The following PKIA variants were observed in gnomAD, a reference collection of about 807,000 sequenced individuals.
PKIA encodes the protein cAMP-dependent protein kinase inhibitor alpha.
In PKIA, 4 loss-of-function variants were observed where a neutral mutation model predicts 7.6. The ratio of observed to expected loss-of-function variants is 0.52; its 90% CI spans 0.26 to 1.20. PKIA has a LOEUF of 1.20. Ranked by LOEUF, PKIA falls within the 50% of genes most tolerant of loss-of-function variation. The pLI, the probability that PKIA is intolerant of heterozygous loss-of-function variation, is 0.13. For synonymous variants in PKIA, 21 were observed against 30.7 expected (o/e 0.68, Z 1.04); for missense variants, 73 against 86.2 (o/e 0.85, Z 0.61).
At chr8:78,580,840 A>G (rs1175395693) in intron 2 of PKIA, among the ~76,000 whole-genome samples, 1 of 152,102 alleles carries the variant, frequency 6.6e-6, no homozygotes. Context: ...GTGCTGGATG[A>G]AAATGGGGGA....
chr8:78,557,677 C>T (rs1248607607), intron 1 of PKIA, among the ~76,000 whole-genome samples: 2 of 152,082 alleles, frequency 1.3e-5, no homozygotes, highest in Non-Finnish European at 1.5e-5. Context: ...TTATTAAATA[C>T]CCATTTTATA....
chr8:78,550,323 T>A (rs1806951584), intron 1 of PKIA, among the ~76,000 whole-genome samples: 1 of 152,138 alleles, frequency 6.6e-6, no homozygotes, highest in East Asian at 1.9e-4. Context: ...TTCTTGATTA[T>A]TACATTTCAA....
intron 1 of PKIA, among the ~76,000 whole-genome samples, chr8:78,529,912 G>C (rs373890475): frequency 2.0e-5 from 3 of 151,902 alleles, no homozygotes; most frequent in Non-Finnish European, 4.4e-5. Flanking sequence ...TTTATTCAAT[G>C]TGTATATATT....
intron 1 of PKIA, among the ~76,000 whole-genome samples, chr8:78,547,588 T>A (rs1010906372): frequency 6.6e-6 from 1 of 152,226 alleles, no homozygotes; most frequent in Non-Finnish European, 1.5e-5. Context: ...TTGAGTCATA[T>A]GAATACTTGT....
At chr8:78,581,450 T>C (rs1013285055) in intron 2 of PKIA, among the ~76,000 whole-genome samples, 57 of 152,182 alleles carry the variant, frequency 3.7e-4, no homozygotes, top group African/African-American at 1.2e-3. Context: ...AACTTTACAG[T>C]GGAGAAGACT....
chr8:78,527,380 A>G lies in PKIA; in HGVS notation c.-157+10912A>G, dbSNP rs368271947. 4.6e-5 allele frequency among the ~76,000 whole-genome samples: 7 copies of G among 152,146 alleles called. No individual in the cohort carries two copies. The East Asian group carries it at 9.7e-4, about 21-fold the overall frequency. ...TGTATATTATAAACTATAATTATGT[A>G]TATGTGTATCTATGTATGTATTCAT... On this transcript the variant is annotated intron_variant, in intron 1 of 3. Transcript: ENST00000396418.
chr8:78,590,530 TAA>T (rs1159726717), intron 2 of PKIA, among the ~76,000 whole-genome samples: 1 of 152,076 alleles, frequency 6.6e-6, no homozygotes, highest in Non-Finnish European at 1.5e-5. Context: ...AACAACATGT[TAA>T]GAGATACTGA....
Position 78,573,196 on chromosome 8 carries a change from C to T in PKIA, c.-28+257C>T, listed in dbSNP as rs76906884. ...GAGCTCCATGCATGTGGTTTAATCC[C>T]AGGAGGTTAGGCCTGTGGAGCAGCA... On this transcript the variant is annotated intron_variant, in intron 2 of 3. Coordinates refer to ENST00000396418, the MANE Select transcript of PKIA (RefSeq NM_006823.4). 1.5e-4 allele frequency among the ~76,000 whole-genome samples: 23 copies of T among 152,122 alleles called. No individual in the cohort carries two copies. The East Asian group carries it at 3.7e-3, about 24-fold the overall frequency.
intron 1 of PKIA, among the ~76,000 whole-genome samples, chr8:78,519,730 T>G (rs980360619): frequency 2.6e-5 from 4 of 152,360 alleles, no homozygotes; most frequent in African/African-American, 9.6e-5. Context: ...CTGTGATATC[T>G]CTTAATCTAA....
intron 1 of PKIA, among the ~76,000 whole-genome samples, chr8:78,561,309 T>C (rs182570132): frequency 1.4e-4 from 21 of 152,302 alleles, no homozygotes; most frequent in African/African-American, 4.8e-4. Flanking sequence ...GTTCAAAAAC[T>C]GTCCATTATA....
chr8:78,528,555 T>C (rs1006244949), intron 1 of PKIA, among the ~76,000 whole-genome samples: 14 of 151,426 alleles, frequency 9.2e-5, no homozygotes, highest in African/African-American at 3.4e-4. Context: ...CTGGGTGCAG[T>C]GGTTCATGCC....
chr8:78,542,244 C>T (rs567101608), intron 1 of PKIA, among the ~76,000 whole-genome samples: 13 of 152,186 alleles, frequency 8.5e-5, no homozygotes, highest in African/African-American at 2.6e-4. Context: ...CTGCACTGCC[C>T]TAGTTTGAAC....
intron 1 of PKIA, among the ~76,000 whole-genome samples, chr8:78,571,613 C>G (rs1037606429): frequency 2.0e-5 from 3 of 152,140 alleles, no homozygotes; most frequent in Non-Finnish European, 4.4e-5. Context: ...GGACTTGTAA[C>G]AGTTCCCCCC....
intron 1 of PKIA, among the ~76,000 whole-genome samples, chr8:78,538,085 C>T (rs1005439105): frequency 6.6e-6 from 1 of 152,004 alleles, no homozygotes; most frequent in Non-Finnish European, 1.5e-5. Flanking sequence ...TAAACTTGTT[C>T]TTTCTCTACG....
At chr8:78,558,805 A>G (rs1243637387) in intron 1 of PKIA, among the ~76,000 whole-genome samples, 1 of 152,200 alleles carries the variant, frequency 6.6e-6, no homozygotes, top group African/African-American at 2.4e-5. Flanking sequence ...ATTAAGCGAT[A>G]CTTAAACCAG....
chr8:78,540,685 T>C (rs13264107), intron 1 of PKIA, among the ~76,000 whole-genome samples: 31,478 of 151,842 alleles, frequency 0.21, 3,882 homozygotes, highest in African/African-American at 0.35. Context: ...CAGTTGTTAC[T>C]TTCTGGTTTT....
intron 1 of PKIA, among the ~76,000 whole-genome samples, chr8:78,540,973 A>T (rs944256400): frequency 6.6e-6 from 1 of 152,018 alleles, no homozygotes; most frequent in Non-Finnish European, 1.5e-5. Flanking sequence ...GGCAAATTTT[A>T]TTTATTTTTA....
At chr8:78,566,609 C>T (rs901901275) in intron 1 of PKIA, among the ~76,000 whole-genome samples, 17 of 152,056 alleles carry the variant, frequency 1.1e-4, no homozygotes, top group Admixed American at 1.1e-3. Context: ...GTATCTTTTC[C>T]TTGTGAGTTT....
intron 1 of PKIA, among the ~76,000 whole-genome samples, chr8:78,560,098 A>G (rs534788093): frequency 1.6e-4 from 25 of 152,338 alleles, no homozygotes; most frequent in African/African-American, 5.3e-4. Context: ...TGGTACACAA[A>G]TCATTTCCTG....
Sources: allele counts gnomAD v4.1 joint callset (sites outside exome capture counted in the v4.1 genomes callset), GRCh38; gene constraint gnomAD v4.1.1; transcripts MANE v1.5; gene names NCBI Gene and HGNC (gene_info 2026-07-23, HGNC 2026-07-21).